Variants in FRMD6 observed in about 807,000 individuals in gnomAD.
FRMD6 encodes the protein FERM domain containing 6.
A neutral mutation model predicts 73.2 loss-of-function variants in FRMD6; 37 were observed. The observed-to-expected ratio is 0.51, with a 90% CI of 0.39 to 0.66. The LOEUF is 0.66. Ranked by LOEUF, FRMD6 falls within the 30% of genes least tolerant of loss-of-function variation. The probability of loss-of-function intolerance (pLI) is 0.00; values close to 1 mark genes in which losing one functional copy is unlikely to be tolerated. For synonymous variants in FRMD6, 273 were observed against 282.2 expected, an observed-to-expected ratio of 0.97 and a Z score of 0.33; for missense variants, 714 against 780.5, an observed-to-expected ratio of 0.91 and a Z score of 1.02.
the FRMD6 span, chr14:51,436,896 A>G: frequency 2.1e-6 from 2 of 956,114 alleles, no homozygotes; most frequent in Non-Finnish European, 3.1e-6. Context: ...GGGGATGAGG[A>G]TGAAGGTGAA....
intron 2 of FRMD6, among the ~76,000 whole-genome samples, chr14:51,586,048 A>G (rs1451770720): frequency 6.7e-6 from 1 of 149,678 alleles, no homozygotes; most frequent in East Asian, 2.0e-4. Flanking sequence ...GTAAATATAC[A>G]ATGCAGGTGT....
the FRMD6 span, among the ~76,000 whole-genome samples, chr14:51,476,244 G>A: frequency 1.3e-5 from 2 of 152,170 alleles, no homozygotes; most frequent in African/African-American, 2.4e-5. Context: ...AAAAAGGACC[G>A]TAACAGGGAG....
At chr14:51,500,772 G>A (rs567880736) in intron 1 of FRMD6, among the ~76,000 whole-genome samples, 8 of 151,992 alleles carry the variant, frequency 5.3e-5, no homozygotes, top group African/African-American at 1.2e-4. Flanking sequence ...GTGTGTGTGT[G>A]TATATACACA....
the FRMD6 span, among the ~76,000 whole-genome samples, chr14:51,451,061 T>A: frequency 6.6e-6 from 1 of 152,138 alleles, no homozygotes; most frequent in African/African-American, 2.4e-5. Flanking sequence ...AGTTGAATCT[T>A]GAGGAATTTA....
At chr14:51,580,513 G>A (rs1888661770) in intron 2 of FRMD6, among the ~76,000 whole-genome samples, 1 of 152,100 alleles carries the variant, frequency 6.6e-6, no homozygotes, top group Non-Finnish European at 1.5e-5. Context: ...TAAATAGTTT[G>A]CACAAGATCA....
chr14:51,605,510 T>C (rs758856753), intron 2 of FRMD6, among the ~76,000 whole-genome samples: 9 of 152,172 alleles, frequency 5.9e-5, no homozygotes, highest in Non-Finnish European at 1.2e-4. Context: ...CGTGAAGTAT[T>C]TGGAGTCCCT....
At chr14:51,685,648 G>T (rs1196087494) in intron 1 of FRMD6, among the ~76,000 whole-genome samples, 1 of 152,184 alleles carries the variant, frequency 6.6e-6, no homozygotes, top group East Asian at 1.9e-4. Context: ...CACAGTATTT[G>T]TGTACTTAAT....
At chr14:51,668,550 C>T (rs1057053782) in intron 1 of FRMD6, among the ~76,000 whole-genome samples, 1 of 152,076 alleles carries the variant, frequency 6.6e-6, no homozygotes, top group South Asian at 2.1e-4. Flanking sequence ...AAGTGATCTG[C>T]CCACCTTAGC....
At chr14:51,586,846 C>T (rs1215967873) in intron 2 of FRMD6, among the ~76,000 whole-genome samples, 1 of 152,156 alleles carries the variant, frequency 6.6e-6, no homozygotes, top group Non-Finnish European at 1.5e-5. Context: ...TGGACTCAAG[C>T]AATCCTCCCG....
At chr14:51,643,968 T>A (rs573598836) in intron 2 of FRMD6, among the ~76,000 whole-genome samples, 1 of 150,770 alleles carries the variant, frequency 6.6e-6, no homozygotes. Context: ...AGTTTCACTT[T>A]AGTTGAATGA....
At chr14:51,659,691 T>C (rs1034170781) in intron 1 of FRMD6, among the ~76,000 whole-genome samples, 6 of 152,224 alleles carry the variant, frequency 3.9e-5, no homozygotes, top group African/African-American at 1.4e-4. Context: ...GTGACTGATG[T>C]TGTGCAAAGT....
At chr14:51,519,360 G>A (rs1884818760) in intron 1 of FRMD6, among the ~76,000 whole-genome samples, 1 of 152,016 alleles carries the variant, frequency 6.6e-6, no homozygotes, top group Admixed American at 6.5e-5. Flanking sequence ...GTGTTAGCTA[G>A]GCTGGTCTCG....
At chr14:51,625,296 T>C (rs1891074535) in intron 2 of FRMD6, among the ~76,000 whole-genome samples, 1 of 152,180 alleles carries the variant, frequency 6.6e-6, no homozygotes, top group South Asian at 2.1e-4. Flanking sequence ...GGTGGTTATA[T>C]ATTTTTCTTA....
intron 1 of FRMD6, among the ~76,000 whole-genome samples, chr14:51,681,362 TG>T (rs147124187): frequency 0.012 from 1,789 of 152,340 alleles, 47 homozygotes; most frequent in African/African-American, 0.041. Context: ...TTCCATGATA[TG>T]AAGCCAGTTA....
the FRMD6 span, among the ~76,000 whole-genome samples, chr14:51,462,963 C>T: frequency 6.6e-6 from 1 of 152,100 alleles, no homozygotes; most frequent in Non-Finnish European, 1.5e-5. Flanking sequence ...CTTGTCTGTA[C>T]AATGTGGTAT....
Position 51,720,082 on chromosome 14 carries a change from T to G in FRMD6, c.1052T>G (p.Ile351Ser). ...EEKKQYRESY[I>S]SDNLDLDMDQ... ...AAGAAGCAGTACCGGGAATCTTACATCAGTGACAACCTGGACCTCGACATG... is the reference window on the plus strand; with the variant it reads ...AAGAAGCAGTACCGGGAATCTTACAGCAGTGACAACCTGGACCTCGACATG... The change falls in exon 11 of 14, where the codon ATC becomes AGC. Residue 351 changes from isoleucine (I) to serine (S), a missense_variant. Physicochemically the swap from Ile to Ser is moderately radical, Grantham distance 142 (BLOSUM62 -2). Coordinates refer to ENST00000344768, the MANE Select transcript of FRMD6 (RefSeq NM_001267046.2). The G allele has an allele frequency of 6.2e-7, 1 of 1,613,172 alleles. No homozygotes were observed. Among genetic ancestry groups the G allele is most frequent in the Non-Finnish European group, 8.5e-7 (1 of 1,179,692 alleles).
chr14:51,483,623 C>G, the FRMD6 span, among the ~76,000 whole-genome samples: 4 of 152,126 alleles, frequency 2.6e-5, no homozygotes, highest in African/African-American at 9.7e-5. Context: ...CTGGTGAAGG[C>G]CTTGTAGGCT....
intron 1 of FRMD6, among the ~76,000 whole-genome samples, chr14:51,669,287 C>A (rs560598274): frequency 6.6e-6 from 1 of 152,044 alleles, no homozygotes; most frequent in Admixed American, 6.6e-5. Context: ...ATTCATTTAC[C>A]TGTTAGTGGA....
chr14:51,577,271 G>GA (rs558939432), intron 2 of FRMD6, among the ~76,000 whole-genome samples: 4,681 of 143,984 alleles, frequency 0.033, 91 homozygotes, highest in Non-Finnish European at 0.041. Flanking sequence ...TACTCCAATG[G>GA]AAAAAAAAAA....
Sources: allele counts gnomAD v4.1 joint callset (sites outside exome capture counted in the v4.1 genomes callset), GRCh38; gene constraint gnomAD v4.1.1; transcripts MANE v1.5; gene names NCBI Gene and HGNC (gene_info 2026-07-23, HGNC 2026-07-21).